The following MAPRE1 variants were observed in gnomAD, a reference collection of about 807,000 sequenced individuals.
MAPRE1 encodes microtubule-associated protein RP/EB family member 1.
A neutral mutation model predicts 32.1 loss-of-function variants in MAPRE1; 5 were observed. That is an observed-to-expected ratio of 0.16 (90% CI 0.08 to 0.33). The LOEUF (loss-of-function observed/expected upper bound fraction) is 0.33. Among genes scored for constraint, MAPRE1 ranks in the 10% least tolerant of loss-of-function variants. The probability of loss-of-function intolerance (pLI) is 1.00; values close to 1 mark genes in which losing one functional copy is unlikely to be tolerated. For missense variants in MAPRE1, 209 were observed against 327.2 expected (o/e 0.64, Z 2.79); for synonymous variants, 122 against 118.9 (o/e 1.03, Z -0.17).
chr20:32,826,367 C>A (rs1201963624), intron 2 of MAPRE1, among the ~76,000 whole-genome samples: 1 of 150,936 alleles, frequency 6.6e-6, no homozygotes, highest in East Asian at 2.0e-4. Context: ...CAGGCGCCTG[C>A]CACCACGCCT....
intron 2 of MAPRE1, among the ~76,000 whole-genome samples, chr20:32,828,287 C>T (rs937470328): frequency 1.3e-5 from 2 of 152,180 alleles, no homozygotes; most frequent in Non-Finnish European, 2.9e-5. Context: ...TGTTCTGTGA[C>T]TAATGTGAGG....
intron 5 of MAPRE1, among the ~76,000 whole-genome samples, chr20:32,842,660 C>T (rs1316148107): frequency 6.6e-6 from 1 of 152,182 alleles, no homozygotes; most frequent in African/African-American, 2.4e-5. Context: ...AAGTACTCAC[C>T]AGATAATGAC....
At chr20:32,833,614 G>C in intron 2 of MAPRE1, 103 bp from the exon 3 acceptor site, 2 of 1,037,550 alleles carry the variant, frequency 1.9e-6, no homozygotes, top group Non-Finnish European at 2.8e-6. Flanking sequence ...GTTTTTGTAG[G>C]TCTACTTCAC....
chr20:32,826,214 C>CTTT (rs3092521), intron 2 of MAPRE1, among the ~76,000 whole-genome samples, 166 bp downstream of exon 2: 7 of 108,912 alleles, frequency 6.4e-5, no homozygotes, highest in South Asian at 3.1e-4. Context: ...TCCAAAGGAA[C>CTTT]TTTTTTTTTT....
At chr20:32,835,041 T>G (rs777380716) in intron 3 of MAPRE1, among the ~76,000 whole-genome samples, 35 of 152,188 alleles carry the variant, frequency 2.3e-4, no homozygotes, top group African/African-American at 8.2e-4. Flanking sequence ...TATAATACAT[T>G]GCAACTGGAA....
At chr20:32,846,941 C>T (rs907676605) in intron 6 of MAPRE1, among the ~76,000 whole-genome samples, 171 bp downstream of exon 6, 4 of 152,230 alleles carry the variant, frequency 2.6e-5, no homozygotes, top group Non-Finnish European at 4.4e-5. Flanking sequence ...TGCCTGAGGT[C>T]TGTGAGCTTT....
rs372538706 is a variant in MAPRE1, at chr20:32,833,616, C to G, written c.122-101C>G. 30 of 1,068,708 alleles carry G rather than the reference C, an allele frequency of 2.8e-5. No individual in the cohort carries two copies. In the East Asian group the frequency reaches 6.5e-4, roughly 23 times the overall value. 66.2% of individuals were successfully genotyped at this position (1,068,708 alleles called of 1,614,324 possible). Reference sequence around the variant, plus strand: ...AGTGAAGCTTTTGGTTTTTGTAGGTCTACTTCACAATTTTAAAAATTGTAT... The same window carrying G: ...AGTGAAGCTTTTGGTTTTTGTAGGTGTACTTCACAATTTTAAAAATTGTAT... On this transcript the variant is annotated intron_variant, in intron 2 of 6. Coordinates refer to ENST00000375571, the MANE Select transcript of MAPRE1 (RefSeq NM_012325.3).
chr20:32,829,269 C>T (rs758180912), intron 2 of MAPRE1, among the ~76,000 whole-genome samples: 2 of 152,102 alleles, frequency 1.3e-5, no homozygotes, highest in African/African-American at 4.8e-5. Context: ...CTTTTTCTCC[C>T]TAGAAAAGGG....
At chr20:32,847,382 G>A (rs552122543) in intron 6 of MAPRE1, among the ~76,000 whole-genome samples, 1 of 152,346 alleles carries the variant, frequency 6.6e-6, no homozygotes, top group South Asian at 2.1e-4. Context: ...TTATCCGGCT[G>A]TGTCCACTGT....
At chr20:32,839,705 C>A in intron 4 of MAPRE1, 30 bp from the exon 5 acceptor site, 1 of 1,611,014 alleles carries the variant, frequency 6.2e-7, no homozygotes, top group Non-Finnish European at 8.5e-7. Flanking sequence ...GGAATTACTC[C>A]TTTTCAAAAA....
chr20:32,834,360 ACTC>A (rs1207410007), intron 3 of MAPRE1, among the ~76,000 whole-genome samples: 2 of 151,610 alleles, frequency 1.3e-5, no homozygotes, highest in African/African-American at 4.9e-5. Flanking sequence ...GTGCTGGAAA[ACTC>A]CTTTCTGCCC....
intron 3 of MAPRE1, among the ~76,000 whole-genome samples, chr20:32,835,362 G>GTGTTTTTTTT (rs1983161236): frequency 1.6e-5 from 1 of 61,024 alleles, no homozygotes; most frequent in Non-Finnish European, 2.6e-5. Context: ...GTTTTTATTG[G>GTGTTTTTTTT]TGTTTTTTTT....
chr20:32,844,242 A>G (rs1030582168), intron 5 of MAPRE1, among the ~76,000 whole-genome samples: 1 of 151,844 alleles, frequency 6.6e-6, no homozygotes, highest in Non-Finnish European at 1.5e-5. Context: ...TTTTTTAGTG[A>G]TTTAGTGTTT....
intron 3 of MAPRE1, among the ~76,000 whole-genome samples, chr20:32,835,943 T>C (rs1259494818): frequency 6.6e-6 from 1 of 151,902 alleles, no homozygotes; most frequent in South Asian, 2.1e-4. Flanking sequence ...TAGATGCCTT[T>C]GGTTGGTTTG....
intron 3 of MAPRE1, among the ~76,000 whole-genome samples, chr20:32,836,285 C>T (rs79482682): frequency 0.013 from 2,047 of 152,338 alleles, 44 homozygotes; most frequent in African/African-American, 0.047. Context: ...GCATTGTGGC[C>T]ATGCAAGTTA....
At chr20:32,822,335 A>C (rs983127321) in intron 1 of MAPRE1, among the ~76,000 whole-genome samples, 1 of 152,172 alleles carries the variant, frequency 6.6e-6, no homozygotes, top group Non-Finnish European at 1.5e-5. Context: ...TTTTGCGCAC[A>C]GTATTTTGTT....
intron 1 of MAPRE1, among the ~76,000 whole-genome samples, chr20:32,822,024 T>C (rs111362432): frequency 6.6e-6 from 1 of 151,588 alleles, no homozygotes; most frequent in Non-Finnish European, 1.5e-5. Context: ...AGTCGGTGGA[T>C]GTTCATTGTA....
At chr20:32,830,946 G>A (rs1448411451) in intron 2 of MAPRE1, among the ~76,000 whole-genome samples, 3 of 152,010 alleles carry the variant, frequency 2.0e-5, no homozygotes, top group Non-Finnish European at 2.9e-5. Context: ...GGATGGTCTC[G>A]ATCTCCTGAC....
Position 32,839,865 on chromosome 20 carries a change from C to T in MAPRE1, c.597+9C>T, listed in dbSNP as rs772281470. 4.3e-6 allele frequency: 7 copies of T among 1,613,932 alleles called. No homozygotes were observed. Among genetic ancestry groups the T allele is most frequent in the Non-Finnish European group, 5.9e-6 (7 of 1,179,936 alleles). ...CTGAGTTGATGCAGCAGGTGGGCACCCCTGTGTTTAGCACGTGAGTCACCT... is the reference window on the plus strand; with the variant it reads ...CTGAGTTGATGCAGCAGGTGGGCACTCCTGTGTTTAGCACGTGAGTCACCT... On this transcript the variant is annotated intron_variant, in intron 5 of 6. Transcript: ENST00000375571.
Sources: allele counts gnomAD v4.1 joint callset (sites outside exome capture counted in the v4.1 genomes callset), GRCh38; gene constraint gnomAD v4.1.1; transcripts MANE v1.5; gene names NCBI Gene and HGNC (gene_info 2026-07-23, HGNC 2026-07-21).